The following NTNG2 variants were observed in gnomAD, a reference collection of about 807,000 sequenced individuals.
NTNG2 encodes the protein netrin G2.
Under a neutral mutation model 47.6 loss-of-function variants are expected in NTNG2, and 15 were observed. The observed-to-expected ratio is 0.32, with a 90% CI of 0.21 to 0.49. NTNG2 has a LOEUF of 0.49. NTNG2 is among the 20% of genes least tolerant of loss of function. The pLI is 0.99. For synonymous variants in NTNG2, 307 were observed against 324.6 expected, an observed-to-expected ratio of 0.95 and a Z score of 0.58; for missense variants, 578 against 764.6, an observed-to-expected ratio of 0.76 and a Z score of 2.88.
At chr9:132,173,877 AG>A (rs1318509216) in intron 2 of NTNG2, among the ~76,000 whole-genome samples, 3 of 146,450 alleles carry the variant, frequency 2.0e-5, no homozygotes, top group Non-Finnish European at 4.5e-5. Context: ...ACAGACAGGC[AG>A]GCCGCACCAT....
At chr9:132,225,258 G>T (rs1200567968) in intron 3 of NTNG2, among the ~76,000 whole-genome samples, 70 of 149,650 alleles carry the variant, frequency 4.7e-4, no homozygotes, top group African/African-American at 1.6e-3. Context: ...TGTTTTGTTT[G>T]TTTTTGTTTT....
intron 3 of NTNG2, among the ~76,000 whole-genome samples, chr9:132,207,937 C>G (rs112706120): frequency 6.6e-6 from 1 of 152,074 alleles, no homozygotes; most frequent in Non-Finnish European, 1.5e-5. Flanking sequence ...AACCCCATCA[C>G]GACAAAAAAT....
chr9:132,241,513 G>T lies in NTNG2; in HGVS notation c.1358-363G>T. On this transcript the variant is annotated intron_variant, in intron 7 of 7. Coordinates refer to ENST00000393229, the MANE Select transcript of NTNG2 (RefSeq NM_032536.4). ...TGGGGTTGGTTGGAAAGGTATTTGC[G>T]GGGACAGAGGGAGGGAGGCTGTCCA... 2 of 344,926 alleles carry T rather than the reference G, an allele frequency of 5.8e-6. 1 individual carries two copies. The highest frequency in any genetic ancestry group is 7.4e-5 in the South Asian group (2 of 27,202). 21.4% of individuals were successfully genotyped at this position (344,926 alleles called of 1,614,324 possible).
chr9:132,177,643 T>C (rs997930949), intron 2 of NTNG2, among the ~76,000 whole-genome samples: 1 of 152,274 alleles, frequency 6.6e-6, no homozygotes, highest in South Asian at 2.1e-4. Flanking sequence ...CTCAAATCTC[T>C]GGGTTTTTTT....
chr9:132,186,026 A>C (rs867018705), intron 2 of NTNG2, among the ~76,000 whole-genome samples: 4 of 152,328 alleles, frequency 2.6e-5, no homozygotes, highest in Non-Finnish European at 4.4e-5. Flanking sequence ...TCCTTTTTCT[A>C]ATCAATTAGA....
At chr9:132,241,080 G>A (rs1215670685) in intron 7 of NTNG2, 36 bp downstream of exon 7, 5 of 1,559,910 alleles carry the variant, frequency 3.2e-6, no homozygotes, top group Non-Finnish European at 4.3e-6. Context: ...CGGGGCCTGC[G>A]GAAAGGGGAC....
At position 132,196,126 on chromosome 9, in the gene NTNG2, G is replaced by A. The variant is rs116143831; in HGVS notation, c.214-1840G>A. ...ATTAACTAAAGTCCATAATTTACATGAGAGTTCACTTACTGTGTTGTACAG... is the reference window on the plus strand; with the variant it reads ...ATTAACTAAAGTCCATAATTTACATAAGAGTTCACTTACTGTGTTGTACAG... On this transcript the variant is annotated intron_variant, in intron 2 of 7. Coordinates refer to ENST00000393229, the MANE Select transcript of NTNG2 (RefSeq NM_032536.4). Among the ~76,000 whole-genome samples, 378 of 152,174 alleles carry A rather than the reference G, an allele frequency of 2.5e-3. 3 individuals carry two copies. The highest frequency in any genetic ancestry group is 8.6e-3 in the African/African-American group (357 of 41,576).
At chr9:132,173,854 G>T (rs1836139864) in intron 2 of NTNG2, among the ~76,000 whole-genome samples, 1 of 150,024 alleles carries the variant, frequency 6.7e-6, no homozygotes, top group Non-Finnish European at 1.5e-5. Flanking sequence ...GAGATGGATG[G>T]ATGGACAGAC....
At position 132,244,085 on chromosome 9, in the gene NTNG2, C is replaced by G. The variant is rs876952; in HGVS notation, c.*1974C>G. The G allele has an allele frequency of 0.44, 67,612 of 152,078 alleles. 16,534 individuals are homozygous for G. Among genetic ancestry groups the G allele is most frequent in the African/African-American group, 0.65 (26,941 of 41,458 alleles). 9.4% of individuals were successfully genotyped at this position (152,078 alleles called of 1,614,324 possible). A position where few individuals can be genotyped will look rare whatever the true frequency, so the allele number is the denominator to read the frequency against. On this transcript the variant is annotated 3_prime_UTR_variant, in exon 8 of 8. Transcript: ENST00000393229. ...TCTGGGCAGTGAGATGTAAGCAGGACTGATGGGTGGGCTTCCAGAAAGTTC... is the reference window on the plus strand; with the variant it reads ...TCTGGGCAGTGAGATGTAAGCAGGAGTGATGGGTGGGCTTCCAGAAAGTTC...
At chr9:132,201,870 C>T (rs536423977) in intron 3 of NTNG2, among the ~76,000 whole-genome samples, 2 of 152,184 alleles carry the variant, frequency 1.3e-5, no homozygotes, top group Non-Finnish European at 2.9e-5. Context: ...TCCCCACCCC[C>T]TGGAGCGCTC....
chr9:132,205,285 A>C (rs1839080879), intron 3 of NTNG2, among the ~76,000 whole-genome samples: 1 of 152,224 alleles, frequency 6.6e-6, no homozygotes. Context: ...CTTAAAAAGG[A>C]GGGAGAACCT....
intron 4 of NTNG2, 128 bp from the exon 5 acceptor site, chr9:132,230,444 T>G (rs1327056002): frequency 3.9e-6 from 3 of 771,594 alleles, no homozygotes; most frequent in African/African-American, 1.7e-5. Flanking sequence ...AGTTGTGTGG[T>G]GGAGCAGGTG....
intron 3 of NTNG2, among the ~76,000 whole-genome samples, chr9:132,225,537 T>G (rs1341654083): frequency 6.6e-6 from 1 of 152,166 alleles, no homozygotes; most frequent in Non-Finnish European, 1.5e-5. Flanking sequence ...CCTAAAGTGC[T>G]TGGATTATAG....
chr9:132,175,563 G>A (rs1178786970), intron 2 of NTNG2, among the ~76,000 whole-genome samples: 7 of 152,224 alleles, frequency 4.6e-5, no homozygotes, highest in South Asian at 2.1e-4. Flanking sequence ...CAGGAGAAAC[G>A]GCAGATGATG....
chr9:132,223,927 A>G (rs1406348384), intron 3 of NTNG2, among the ~76,000 whole-genome samples: 2 of 151,690 alleles, frequency 1.3e-5, no homozygotes, highest in African/African-American at 4.9e-5. Flanking sequence ...CCCCAGCCTC[A>G]TTGCAGACCT....
In NTNG2 at chr9:132,177,814, C is replaced by G. The variant is rs772456975; in HGVS notation, c.213+10770C>G. ...CTGGGATTACAGGCACTAGCCAGCA[C>G]GCCCAGCTAATTTTTGTATTTTTAG... On this transcript the variant is annotated intron_variant, in intron 2 of 7. Coordinates refer to ENST00000393229, the MANE Select transcript of NTNG2 (RefSeq NM_032536.4). 5.3e-5 allele frequency among the ~76,000 whole-genome samples: 8 copies of G among 152,150 alleles called. No homozygotes were observed. The South Asian group carries it at 1.7e-3, about 32-fold the overall frequency.
chr9:132,226,864 G>C lies in NTNG2; in HGVS notation c.873G>C (p.Leu291=). The C allele has an allele frequency of 6.2e-7, 1 of 1,606,236 alleles. No homozygotes were observed. The highest frequency in any genetic ancestry group is 1.3e-5 in the African/African-American group (1 of 74,776). The change falls in exon 4 of 8, where the codon CTG becomes CTC. Residue 291 remains leucine, a synonymous_variant. Coordinates refer to ENST00000393229, the MANE Select transcript of NTNG2 (RefSeq NM_032536.4). The surrounding 1 kb of genome is among the most constrained non-coding windows in gnomAD (Gnocchi z 4.8). ...GTCTCCCCAGGTGCAAGTGCAACCT[G>C]CACGCCAACCTGTGCTCCATGCGCG... The part of the protein sequence containing the change: ...IEVIGRCKCN[L]HANLCSMREG...
chr9:132,184,241 C>G (rs1204624247), intron 2 of NTNG2, among the ~76,000 whole-genome samples: 2 of 152,174 alleles, frequency 1.3e-5, no homozygotes, highest in Non-Finnish European at 2.9e-5. Context: ...GAGGTCGCAG[C>G]TTCTGGCTGT....
At position 132,166,861 on chromosome 9, in the gene NTNG2, C is replaced by T. The variant is rs1425334304; in HGVS notation, c.30C>T (p.His10=). The T allele has an allele frequency of 2.5e-6, 4 of 1,614,228 alleles. No homozygotes were observed. In the South Asian group the frequency reaches 3.3e-5, roughly 13 times the overall value. Residue 10 remains histidine, a synonymous_variant, in exon 2 of 8, where the codon CAC becomes CAT. Transcript: ENST00000393229. ...TGCATCTGCTGGCGCTCTTCCTGCA[C>T]TGCCTCCCTCTGGCCTCTGGGGACT... MLHLLALFL[H]CLPLASGDYD... is the part of the protein sequence containing the mutation.
Sources: gnomAD v4.1 joint callset for allele counts (sites outside exome capture counted in the v4.1 genomes callset) on GRCh38, gnomAD v4.1.1 for gene constraint, Gnocchi (gnomAD v3.1) non-coding constraint, MANE v1.5 for transcripts, NCBI Gene and HGNC (gene_info 2026-07-23, HGNC 2026-07-21) for gene names.